Variants in NTN1 observed in about 807,000 individuals in gnomAD.
The protein encoded by NTN1 is netrin 1, also known as netrin-1.
Under a neutral mutation model 54.2 loss-of-function variants are expected in NTN1, and 11 were observed. The ratio of observed to expected loss-of-function variants is 0.20; its 90% CI spans 0.13 to 0.34. The LOEUF (loss-of-function observed/expected upper bound fraction) is 0.34. Ranked by LOEUF, NTN1 falls within the 10% of genes least tolerant of loss-of-function variation. The pLI is 1.00. For synonymous variants in NTN1, 371 were observed against 382.0 expected (o/e 0.97, Z 0.33); for missense variants, 740 against 893.1 (o/e 0.83, Z 2.18).
At chr17:9,028,463 C>G (rs533699872) in intron 2 of NTN1, among the ~76,000 whole-genome samples, 1 of 152,304 alleles carries the variant, frequency 6.6e-6, no homozygotes, top group East Asian at 1.9e-4. Context: ...CAGGGGAAAC[C>G]TTCTGGGGTG....
intron 2 of NTN1, among the ~76,000 whole-genome samples, chr17:9,028,948 C>G (rs1254800504): frequency 6.6e-6 from 1 of 151,114 alleles, no homozygotes; most frequent in Non-Finnish European, 1.5e-5. Flanking sequence ...TTTTTTTCAT[C>G]CTTTCAGAAG....
the NTN1 span, among the ~76,000 whole-genome samples, chr17:9,005,661 C>A: frequency 6.6e-6 from 1 of 152,182 alleles, no homozygotes; most frequent in Non-Finnish European, 1.5e-5. Context: ...ATGTGCGTCA[C>A]ATATGATCTG....
intron 2 of NTN1, among the ~76,000 whole-genome samples, chr17:9,089,258 CA>C (rs1189369922): frequency 6.6e-6 from 1 of 152,018 alleles, no homozygotes; most frequent in Non-Finnish European, 1.5e-5. Flanking sequence ...ACTAAAAATA[CA>C]AAAAAGTTAG....
chr17:9,239,931 A>T lies in NTN1; in HGVS notation c.1778A>T (p.Gln593Leu). 1 of 1,360,918 alleles carries T rather than the reference A, an allele frequency of 7.3e-7. No individual in the cohort carries two copies. Among genetic ancestry groups the T allele is most frequent in the Non-Finnish European group, 9.7e-7 (1 of 1,025,732 alleles). The allele number at this position is 1,360,918 out of a possible 1,614,324, so 84.3% of individuals were successfully genotyped here. A position where few individuals can be genotyped will look rare whatever the true frequency, so the allele number is the denominator to read the frequency against. The change falls in exon 7 of 7, where the codon CAG becomes CTG. Residue 593 changes from glutamine to leucine, a missense_variant. Coordinates refer to ENST00000173229, the MANE Select transcript of NTN1 (RefSeq NM_004822.3). This position sits in a 1 kb window ranked among gnomAD's most constrained non-coding sequence, Gnocchi z 5.2. ...TGGGCGCGGCGGCTGCGCAAGTTCC[A>T]GCAGCGTGAGAAGAAGGGCAAGTGC... ...DTWARRLRKFQQREKKGKCKK... is the reference protein window; with the variant it reads ...DTWARRLRKFLQREKKGKCKK...
chr17:9,116,334 G>C, intron 2 of NTN1, among the ~76,000 whole-genome samples: 1 of 148,300 alleles, frequency 6.7e-6, no homozygotes, highest in Non-Finnish European at 1.5e-5. Flanking sequence ...TTGCTGTGTG[G>C]CCTTCACCAC....
At chr17:9,237,771 G>A (rs923814927) in intron 6 of NTN1, among the ~76,000 whole-genome samples, 5 of 152,170 alleles carry the variant, frequency 3.3e-5, no homozygotes, top group Non-Finnish European at 5.9e-5. Context: ...TAGCTAAGGG[G>A]CACTCAGTTG....
intron 2 of NTN1, among the ~76,000 whole-genome samples, chr17:9,050,244 C>T (rs2091955935): frequency 6.7e-6 from 1 of 149,316 alleles, no homozygotes; most frequent in South Asian, 2.1e-4. Context: ...GAGACTCTGT[C>T]TCAAAAAAAT....
At chr17:9,054,038 T>C (rs1247669582) in intron 2 of NTN1, among the ~76,000 whole-genome samples, 1 of 152,176 alleles carries the variant, frequency 6.6e-6, no homozygotes, top group Non-Finnish European at 1.5e-5. Context: ...GGATCCCCGT[T>C]GGGTGCCTGA....
chr17:9,222,262 G>A (rs1389803602), intron 6 of NTN1, among the ~76,000 whole-genome samples: 1 of 152,224 alleles, frequency 6.6e-6, no homozygotes, highest in East Asian at 1.9e-4. Flanking sequence ...GCTGGACATA[G>A]CCCATCTTTC....
At chr17:9,105,395 C>T (rs1029675433) in intron 2 of NTN1, among the ~76,000 whole-genome samples, 2 of 152,232 alleles carry the variant, frequency 1.3e-5, no homozygotes, top group Non-Finnish European at 2.9e-5. Context: ...TGAATGGTGG[C>T]CTTAAAAGGC....
intron 6 of NTN1, among the ~76,000 whole-genome samples, chr17:9,235,444 G>A (rs949026755): frequency 1.4e-5 from 2 of 147,984 alleles, no homozygotes; most frequent in African/African-American, 4.9e-5. Flanking sequence ...CAGGGACAGT[G>A]GGAGTTCAGG....
At chr17:9,225,237 A>G (rs1235048869) in intron 6 of NTN1, among the ~76,000 whole-genome samples, 1 of 151,732 alleles carries the variant, frequency 6.6e-6, no homozygotes, top group East Asian at 1.9e-4. Flanking sequence ...CCTGAGCAAC[A>G]GAGTGAGACT....
intron 2 of NTN1, among the ~76,000 whole-genome samples, chr17:9,063,548 G>A (rs371325378): frequency 6.6e-6 from 1 of 150,830 alleles, no homozygotes; most frequent in Non-Finnish European, 1.5e-5. Context: ...GGTTAGCAGA[G>A]CAAAGTTTTT....
At chr17:9,050,768 G>A (rs899084246) in intron 2 of NTN1, among the ~76,000 whole-genome samples, 12 of 151,928 alleles carry the variant, frequency 7.9e-5, no homozygotes, top group African/African-American at 2.9e-4. Flanking sequence ...TCTGTGAAAC[G>A]GGGATGACCA....
chr17:9,185,787 A>G (rs895797708), intron 5 of NTN1, among the ~76,000 whole-genome samples: 7 of 151,848 alleles, frequency 4.6e-5, no homozygotes, highest in African/African-American at 1.5e-4. Flanking sequence ...ACTCAAGGGG[A>G]GTTCTTGATT....
Position 9,104,625 on chromosome 17 carries a change from C to T in NTN1, c.1019-58188C>T, listed in dbSNP as rs115671865. On this transcript the variant is annotated intron_variant, in intron 2 of 6. Transcript: ENST00000173229. ...TGGGCACAAGGCTGACCTGCAGGCC[C>T]GACACATTTGAGGGTGCTCGGGCCA... 4.3e-3 allele frequency among the ~76,000 whole-genome samples: 661 copies of T among 152,206 alleles called. 9 individuals are homozygous for T. Among genetic ancestry groups the T allele is most frequent in the African/African-American group, 0.015 (618 of 41,518 alleles).
intron 5 of NTN1, among the ~76,000 whole-genome samples, chr17:9,210,903 C>T (rs12373172): frequency 1.6e-5 from 1 of 63,568 alleles, no homozygotes; most frequent in Non-Finnish European, 2.7e-5. Context: ...GAGACTCCAT[C>T]TGAAAAAAAA....
intron 2 of NTN1, among the ~76,000 whole-genome samples, chr17:9,137,524 G>T (rs2092284639): frequency 1.3e-5 from 2 of 152,200 alleles, no homozygotes; most frequent in South Asian, 4.1e-4. Context: ...CTGGCACAAT[G>T]GCTCACGCCT....
intron 6 of NTN1, among the ~76,000 whole-genome samples, chr17:9,232,080 C>T (rs1169682399): frequency 6.6e-6 from 1 of 152,190 alleles, no homozygotes; most frequent in African/African-American, 2.4e-5. Flanking sequence ...GAGGGGAGCA[C>T]TGTCCACCCT....
Sources: allele counts gnomAD v4.1 joint callset (sites outside exome capture counted in the v4.1 genomes callset), GRCh38; gene constraint gnomAD v4.1.1; non-coding constraint Gnocchi (gnomAD v3.1); transcripts MANE v1.5; gene names NCBI Gene and HGNC (gene_info 2026-07-23, HGNC 2026-07-21).